VWA3B: variants seen among roughly 807,000 people sequenced by gnomAD.
VWA3B encodes von Willebrand factor A domain containing 3B.
A neutral mutation model predicts 158.3 loss-of-function variants in VWA3B; 138 were observed. The observed-to-expected ratio is 0.87, with a 90% CI of 0.76 to 1.00. The LOEUF (loss-of-function observed/expected upper bound fraction) is 1.00. Among genes scored for constraint, VWA3B ranks in the 50% least tolerant of loss-of-function variants. The pLI is 0.00. For missense variants in VWA3B, 1,555 were observed against 1,565.1 expected (o/e 0.99, Z 0.11); for synonymous variants, 596 against 587.3 (o/e 1.01, Z -0.21).
intron 2 of VWA3B, among the ~76,000 whole-genome samples, chr2:98,104,504 C>G (rs866095766): frequency 1.3e-5 from 2 of 152,186 alleles, no homozygotes; most frequent in Admixed American, 6.5e-5. Context: ...AGAATGTCAC[C>G]AAGCCATTCA....
intron 6 of VWA3B, 51 bp downstream of exon 6, chr2:98,128,459 A>G (rs745984989): frequency 6.3e-7 from 1 of 1,587,252 alleles, no homozygotes; most frequent in Non-Finnish European, 8.6e-7. Flanking sequence ...GCCTGCTCAC[A>G]CAGGATCAAC....
At chr2:98,214,224 A>G (rs541889486) in intron 13 of VWA3B, among the ~76,000 whole-genome samples, 321 of 152,154 alleles carry the variant, frequency 2.1e-3, no homozygotes, top group African/African-American at 7.3e-3. Flanking sequence ...CAAAACACAA[A>G]AAAAACAAAA....
intron 5 of VWA3B, among the ~76,000 whole-genome samples, chr2:98,122,913 G>C (rs1158279245): frequency 1.3e-5 from 2 of 152,238 alleles, no homozygotes; most frequent in African/African-American, 4.8e-5. Flanking sequence ...CAGCCTGAAA[G>C]CTTTTGAGAA....
intron 8 of VWA3B, among the ~76,000 whole-genome samples, chr2:98,177,916 G>C (rs566401537): frequency 3.9e-5 from 6 of 152,190 alleles, no homozygotes; most frequent in African/African-American, 1.4e-4. Flanking sequence ...ATAATAAGGT[G>C]TGTGTTGCTA....
chr2:98,306,995 G>A lies in VWA3B; in HGVS notation c.3521+3193G>A, dbSNP rs532501088. On this transcript the variant is annotated intron_variant, in intron 26 of 27. Transcript: ENST00000477737. ...CTATAATAAGGGCTAGCAGAACCGA[G>A]TACAAAAATAAAGGCATAGGTCTGA... 2.0e-5 allele frequency among the ~76,000 whole-genome samples: 3 copies of A among 152,246 alleles called. No homozygotes were observed. In the South Asian group the frequency reaches 6.2e-4, roughly 32 times the overall value.
At chr2:98,255,082 C>T (rs1050816501) in intron 20 of VWA3B, among the ~76,000 whole-genome samples, 2 of 150,708 alleles carry the variant, frequency 1.3e-5, no homozygotes, top group Non-Finnish European at 3.0e-5. Flanking sequence ...GGCGTGATCT[C>T]GGCTCACTGC....
intron 26 of VWA3B, among the ~76,000 whole-genome samples, chr2:98,308,767 C>T (rs985526130): frequency 5.3e-5 from 8 of 152,248 alleles, no homozygotes; most frequent in East Asian, 1.9e-4. Context: ...ACTGAATACA[C>T]ACACCTGGTG....
chr2:98,137,854 A>G (rs1382705995), intron 7 of VWA3B, among the ~76,000 whole-genome samples: 1 of 142,678 alleles, frequency 7.0e-6, no homozygotes, highest in Non-Finnish European at 1.5e-5. Context: ...AGGAGTGTAA[A>G]ATAATAACAA....
At chr2:98,207,334 GA>G in intron 12 of VWA3B, 1 of 487,630 alleles carries the variant, frequency 2.1e-6, no homozygotes, top group East Asian at 5.1e-5. Flanking sequence ...TCTACATGTG[GA>G]TCCTCTGGAC....
At chr2:98,266,311 C>T (rs1051697986) in intron 21 of VWA3B, among the ~76,000 whole-genome samples, 2 of 151,684 alleles carry the variant, frequency 1.3e-5, no homozygotes, top group Non-Finnish European at 2.9e-5. Context: ...GAATCCTTTC[C>T]CCATTGCTTG....
At chr2:98,168,966 T>C (rs562475900) in intron 8 of VWA3B, among the ~76,000 whole-genome samples, 6 of 152,114 alleles carry the variant, frequency 3.9e-5, no homozygotes, top group Non-Finnish European at 8.8e-5. Flanking sequence ...TGATGAAAAC[T>C]ATAGACCCAG....
intron 22 of VWA3B, among the ~76,000 whole-genome samples, chr2:98,278,337 C>T (rs540622259): frequency 2.3e-4 from 35 of 152,308 alleles, no homozygotes; most frequent in Middle Eastern, 3.4e-3. Context: ...GAGGAGTACC[C>T]ACAACCCCTG....
chr2:98,288,145 T>A (rs1263682852), intron 22 of VWA3B, among the ~76,000 whole-genome samples: 1 of 152,222 alleles, frequency 6.6e-6, no homozygotes, highest in Non-Finnish European at 1.5e-5. Context: ...GCCTTTTACC[T>A]TGAGAATTGG....
At chr2:98,313,468 A>G (rs1411796039), downstream of VWA3B, among the ~76,000 whole-genome samples, 1 of 152,130 alleles carries the variant, frequency 6.6e-6, no homozygotes, top group Non-Finnish European at 1.5e-5. Flanking sequence ...AGTCTCCGCT[A>G]ATGAGAGTTG....
At chr2:98,240,120 T>C (rs1245057928) in intron 19 of VWA3B, among the ~76,000 whole-genome samples, 2 of 152,120 alleles carry the variant, frequency 1.3e-5, no homozygotes, top group African/African-American at 4.8e-5. Flanking sequence ...AGGAAACACG[T>C]TGAATAGTTT....
At chr2:98,222,177 A>G (rs370050850) in intron 14 of VWA3B, among the ~76,000 whole-genome samples, 33 of 152,254 alleles carry the variant, frequency 2.2e-4, no homozygotes, top group African/African-American at 7.0e-4. Flanking sequence ...TAGGTGGGCT[A>G]CTCATACCCT....
rs116468245 is a variant in VWA3B, at chr2:98,229,417, C to T, written c.2151-633C>T. Among the ~76,000 whole-genome samples the T allele has an allele frequency of 9.1e-4, 138 of 152,324 alleles. 1 individual carries two copies. Among genetic ancestry groups the T allele is most frequent in the African/African-American group, 3.2e-3 (134 of 41,566 alleles). ...GTGGTGCAGGAGGGAGGGCACACGT[C>T]ACAGTGTTGGAGCAGAAATTGCTCT... On this transcript the variant is annotated intron_variant, in intron 15 of 27. Coordinates refer to ENST00000477737, the MANE Select transcript of VWA3B (RefSeq NM_144992.5).
intron 13 of VWA3B, chr2:98,216,983 C>CCCCT (rs1553417722): frequency 8.6e-6 from 10 of 1,162,066 alleles, no homozygotes; most frequent in Middle Eastern, 3.5e-4. Context: ...ATTGTAAGCA[C>CCCCT]CCGCCCCGCA....
chr2:98,309,257 T>C (rs1008603512), intron 26 of VWA3B, among the ~76,000 whole-genome samples: 1 of 152,090 alleles, frequency 6.6e-6, no homozygotes, highest in African/African-American at 2.4e-5. Context: ...AAATGTGATA[T>C]CAGGAAAGCA....
Sources: gnomAD v4.1 joint callset for allele counts (sites outside exome capture counted in the v4.1 genomes callset) on GRCh38, gnomAD v4.1.1 for gene constraint, MANE v1.5 for transcripts, NCBI Gene and HGNC (gene_info 2026-07-23, HGNC 2026-07-21) for gene names.